MSR1: variants seen among roughly 807,000 people sequenced by gnomAD.
MSR1 encodes the protein macrophage scavenger receptor 1.
Under a neutral mutation model 47.2 loss-of-function variants are expected in MSR1, and 53 were observed. That is an observed-to-expected ratio of 1.12 (90% CI 0.90 to 1.41). MSR1 has a LOEUF of 1.41. MSR1 is among the 40% of genes most tolerant of loss of function. The pLI is 0.00. For synonymous variants in MSR1, 239 were observed against 185.6 expected (o/e 1.29, Z -2.34); for missense variants, 786 against 546.9 (o/e 1.44, Z -4.36).
At position 16,109,035 on chromosome 8, in the gene MSR1, T is replaced by A. The variant is rs1799695941; in HGVS notation, c.*1050A>T. On this transcript the variant is annotated 3_prime_UTR_variant, in exon 10 of 10. Transcript: ENST00000262101. Reference sequence around the variant, plus strand: ...GCAGGCAGTCACTTTCAGGGTAGAATTACTGGGTTTCAGGGTAGCTTTTCA... The same window carrying A: ...GCAGGCAGTCACTTTCAGGGTAGAAATACTGGGTTTCAGGGTAGCTTTTCA... The A allele has an allele frequency of 6.6e-6, 1 of 152,018 alleles. No homozygotes were observed. Among genetic ancestry groups the A allele is most frequent in the South Asian group, 2.1e-4 (1 of 4,824 alleles). The allele number at this position is 152,018 out of a possible 1,614,324, so 9.4% of individuals were successfully genotyped here. A position where few individuals can be genotyped will look rare whatever the true frequency, so the allele number is the denominator to read the frequency against.
intron 9 of MSR1, among the ~76,000 whole-genome samples, chr8:16,110,872 T>C (rs1477160809): frequency 1.3e-5 from 2 of 152,184 alleles, no homozygotes; most frequent in East Asian, 3.8e-4. Flanking sequence ...GCAAAGGTTT[T>C]CCTGAGCTGA....
chr8:16,109,557 C>A lies in MSR1; in HGVS notation c.*528G>T, dbSNP rs1002120192. 1 of 163,530 alleles carries A rather than the reference C, an allele frequency of 6.1e-6. No homozygotes were observed. The highest frequency in any genetic ancestry group is 1.3e-5 in the Non-Finnish European group (1 of 74,362). The allele number at this position is 163,530 out of a possible 1,614,324, so 10.1% of individuals were successfully genotyped here. A position where few individuals can be genotyped will look rare whatever the true frequency, so the allele number is the denominator to read the frequency against. On this transcript the variant is annotated 3_prime_UTR_variant, in exon 10 of 10. Transcript: ENST00000262101. Reference sequence around the variant, plus strand: ...ATATCATTAACATTGATATCTAATACACAAGTTATTGCACATTGAGATATC... The same window carrying A: ...ATATCATTAACATTGATATCTAATAAACAAGTTATTGCACATTGAGATATC...
At chr8:16,142,404 G>A (rs1369873147) in intron 8 of MSR1, among the ~76,000 whole-genome samples, 1 of 152,000 alleles carries the variant, frequency 6.6e-6, no homozygotes, top group African/African-American at 2.4e-5. Context: ...AAGAACGAAT[G>A]GATAGAATGG....
Position 16,109,165 on chromosome 8 carries a change from G to GC in MSR1, c.*919dup, listed in dbSNP as rs1799699464. On this transcript the variant is annotated 3_prime_UTR_variant, in exon 10 of 10. Transcript: ENST00000262101. ...TTATTGTCCCTTTAGGACTAAAGAC[G>GC]CACCCCCCACCCCCCCCCCCGCCCT... The GC allele has an allele frequency of 1.5e-4, 13 of 86,024 alleles. No homozygotes were observed. The highest frequency in any genetic ancestry group is 6.2e-4 in the African/African-American group (12 of 19,372). The allele number at this position is 86,024 out of a possible 1,614,324, so 5.3% of individuals were successfully genotyped here.
chr8:16,122,843 CTTTT>C (rs35560221), intron 8 of MSR1, among the ~76,000 whole-genome samples: 26 of 65,592 alleles, frequency 4.0e-4, no homozygotes, highest in Admixed American at 6.4e-4. Context: ...TATTCAAATT[CTTTT>C]TTTTTTTTTT....
At chr8:16,155,618 TGGA>T (rs1800984242) in intron 5 of MSR1, among the ~76,000 whole-genome samples, 1 of 152,010 alleles carries the variant, frequency 6.6e-6, no homozygotes, top group Non-Finnish European at 1.5e-5. Flanking sequence ...AGCACTTTGT[TGGA>T]ACTGACCATA....
intron 1 of MSR1, among the ~76,000 whole-genome samples, chr8:16,188,908 C>T (rs1802078842): frequency 6.7e-6 from 1 of 150,018 alleles, no homozygotes; most frequent in Non-Finnish European, 1.5e-5. Context: ...CCCAGTCTAT[C>T]ACTGAGGGAC....
intron 8 of MSR1, among the ~76,000 whole-genome samples, chr8:16,133,857 C>T (rs1038418080): frequency 6.6e-6 from 1 of 152,164 alleles, no homozygotes; most frequent in Non-Finnish European, 1.5e-5. Flanking sequence ...AGTTTTGGCA[C>T]CCATCTAGAA....
In MSR1 at chr8:16,168,405, G is replaced by C. The variant is rs1239188324; in HGVS notation, c.630+53C>G. 2.5e-6 allele frequency: 4 copies of C among 1,597,474 alleles called. No homozygotes were observed. In the African/African-American group the frequency reaches 4.0e-5, roughly 16 times the overall value. On this transcript the variant is annotated intron_variant, in intron 4 of 9. Transcript: ENST00000262101. ...TTTCCTGTACTGCCTAAGGAGACGA[G>C]ACTTGGATGGATTCAGTTCCAGCAA...
At chr8:16,188,967 CATATAT>C (rs200739372) in intron 1 of MSR1, among the ~76,000 whole-genome samples, 3,248 of 122,250 alleles carry the variant, frequency 0.027, 112 homozygotes, top group East Asian at 0.078. Context: ...AACACACATA[CATATAT>C]ATATATATAT....
chr8:16,147,529 G>C (rs1055167067), intron 7 of MSR1, among the ~76,000 whole-genome samples: 5 of 152,168 alleles, frequency 3.3e-5, no homozygotes, highest in African/African-American at 9.6e-5. Context: ...GCAATGTAAA[G>C]TATCAAAGAG....
At chr8:16,133,602 G>C (rs1006815921) in intron 8 of MSR1, among the ~76,000 whole-genome samples, 1 of 152,114 alleles carries the variant, frequency 6.6e-6, no homozygotes, top group South Asian at 2.1e-4. Flanking sequence ...AAAATCACTT[G>C]AGCATCCTCA....
intron 3 of MSR1, among the ~76,000 whole-genome samples, chr8:16,174,669 T>C (rs1801587894): frequency 6.6e-6 from 1 of 152,220 alleles, no homozygotes; most frequent in African/African-American, 2.4e-5. Flanking sequence ...AGCTGGATTT[T>C]ACTAAGTTGT....
At chr8:16,150,423 A>C (rs1800824253) in intron 6 of MSR1, 112 bp from the exon 7 acceptor site, 1 of 442,048 alleles carries the variant, frequency 2.3e-6, no homozygotes, top group African/African-American at 2.1e-5. Context: ...AGAATCTTCA[A>C]ATGAAGGAAT....
rs76983443 is a variant in MSR1 at position 16,125,825 on chromosome 8, G to C, written c.1034-5219C>G. On this transcript the variant is annotated intron_variant, in intron 8 of 9. Coordinates refer to ENST00000262101, the MANE Select transcript of MSR1 (RefSeq NM_138715.3). The stretch of plus-strand genomic sequence containing the variant: ...TGTGTCTCCCAGATTGAAGTGCTGT[G>C]GTGCAGTCATAGCTCACTGCAGCCT... Among the ~76,000 whole-genome samples, 1,262 of 152,058 alleles carry C rather than the reference G, an allele frequency of 8.3e-3. 14 individuals are homozygous for C. Among genetic ancestry groups the C allele is most frequent in the Non-Finnish European group, 0.014 (973 of 67,958 alleles).
At position 16,110,131 on chromosome 8, in the gene MSR1, C is replaced by G. The variant is rs1799724509; in HGVS notation, c.1310G>C (p.Arg437Thr). The part of the protein sequence containing the change: ...EECKIRQWGT[R>T]ACSHSEDAGV... ...AGCATCTTCAGAATGTGAACAGGCT[C>G]TTGTCCCCCATTGCCGAATTTTACA... The change falls in exon 10 of 10, where the codon AGA becomes ACA. Residue 437 changes from arginine to threonine, a missense_variant. Arg to Thr is a moderately conservative substitution (Grantham distance 71). Transcript: ENST00000262101. 1 of 1,613,712 alleles carries G rather than the reference C, an allele frequency of 6.2e-7. No individual in the cohort carries two copies. Among genetic ancestry groups the G allele is most frequent in the Non-Finnish European group, 8.5e-7 (1 of 1,179,730 alleles).
At chr8:16,154,031 A>G (rs540902923) in intron 6 of MSR1, among the ~76,000 whole-genome samples, 1 of 151,990 alleles carries the variant, frequency 6.6e-6, no homozygotes, top group Admixed American at 6.6e-5. Context: ...CTGGATGTAT[A>G]TCATCTATCT....
chr8:16,181,650 G>C (rs969498535), intron 1 of MSR1, among the ~76,000 whole-genome samples: 3 of 151,958 alleles, frequency 2.0e-5, no homozygotes, highest in African/African-American at 7.3e-5. Context: ...GGCCTGTCAG[G>C]GGGTGGGAGG....
At chr8:16,174,556 T>C (rs1285167681) in intron 3 of MSR1, among the ~76,000 whole-genome samples, 3 of 152,192 alleles carry the variant, frequency 2.0e-5, no homozygotes, top group Admixed American at 2.0e-4. Context: ...AACATCATTT[T>C]GAGCCCAAGT....
Sources: gnomAD v4.1 joint callset for allele counts (sites outside exome capture counted in the v4.1 genomes callset) on GRCh38, gnomAD v4.1.1 for gene constraint, MANE v1.5 for transcripts, NCBI Gene and HGNC (gene_info 2026-07-23, HGNC 2026-07-21) for gene names.